The following GCH1 variants were observed in gnomAD, a reference collection of about 807,000 sequenced individuals.
The protein encoded by GCH1 is GTP cyclohydrolase 1.
In GCH1, 5 loss-of-function variants were observed where a neutral mutation model predicts 25.9. That is an observed-to-expected ratio of 0.19 (90% CI 0.10 to 0.41). The LOEUF (loss-of-function observed/expected upper bound fraction) is 0.41, where lower values mean the gene tolerates loss of function less well. Among genes scored for constraint, GCH1 ranks in the 10% least tolerant of loss-of-function variants. The pLI is 1.00. For synonymous variants in GCH1, 159 were observed against 129.6 expected (o/e 1.23, Z -1.54); for missense variants, 261 against 336.5 (o/e 0.78, Z 1.75).
chr14:54,861,306 G>C (rs189961793), intron 2 of GCH1, among the ~76,000 whole-genome samples: 105 of 152,272 alleles, frequency 6.9e-4, no homozygotes, highest in African/African-American at 2.4e-3. Flanking sequence ...AAATTAGAGA[G>C]TTAAAACTTT....
At chr14:54,848,859 A>G (rs1391880283) in intron 3 of GCH1, among the ~76,000 whole-genome samples, 4 of 152,226 alleles carry the variant, frequency 2.6e-5, no homozygotes, top group African/African-American at 9.6e-5. Context: ...GCTCCTAGAT[A>G]GGAGGTATGT....
In GCH1 at chr14:54,859,733, G is replaced by A; in HGVS notation, c.457C>T (p.His153Tyr). Residue 153 changes from histidine (H) to tyrosine (Y), a missense_variant, in exon 3 of 6, where the codon CAT (histidine) becomes TAT (tyrosine). His to Tyr is a moderately conservative substitution (Grantham distance 83). This residue lies in a region of GCH1 where 130 missense variants were observed against 184.1 expected (regional missense o/e 0.71). Coordinates refer to ENST00000491895, the MANE Select transcript of GCH1 (RefSeq NM_000161.3). ...TGCTTGTTAGGAAGATAACCAATAT[G>A]GACCTTCAGAGAAGAGACGGAAATC... ...HHLVPFVGKVHIGYLPNKQVL... is the reference protein window; with the variant it reads ...HHLVPFVGKVYIGYLPNKQVL... 7 of 1,579,758 alleles carry A rather than the reference G, an allele frequency of 4.4e-6. No homozygotes were observed. The highest frequency in any genetic ancestry group is 5.2e-6 in the Non-Finnish European group (6 of 1,148,626).
Position 54,849,377 on chromosome 14 carries a change from G to C in GCH1, c.510-2247C>G, listed in dbSNP as rs1258644815. Among the ~76,000 whole-genome samples the C allele has an allele frequency of 2.0e-5, 3 of 152,072 alleles. No homozygotes were observed. In the East Asian group the frequency reaches 5.8e-4, roughly 29 times the overall value. On this transcript the variant is annotated intron_variant, in intron 3 of 5. Transcript: ENST00000491895. ...CTTTATTTTGCTGTCATTCTGGAAA[G>C]ATAATTTGTTGAGAGGTATTTGCTG...
chr14:54,874,551 T>C (rs1488650518), intron 1 of GCH1, among the ~76,000 whole-genome samples: 3 of 152,210 alleles, frequency 2.0e-5, no homozygotes, highest in Non-Finnish European at 4.4e-5. Context: ...GGAAGTCAAA[T>C]GGTCCCTGTT....
intron 3 of GCH1, among the ~76,000 whole-genome samples, chr14:54,851,297 A>C (rs2039726816): frequency 6.6e-6 from 1 of 152,234 alleles, no homozygotes; most frequent in Admixed American, 6.5e-5. Flanking sequence ...AATACCATTC[A>C]GGACATAGGC....
Position 54,842,775 on chromosome 14 carries a change from A to C in GCH1, c.*1242T>G, listed in dbSNP as rs2039577680. On this transcript the variant is annotated 3_prime_UTR_variant, in exon 6 of 6. Coordinates refer to ENST00000491895, the MANE Select transcript of GCH1 (RefSeq NM_000161.3). ...GAGGAGTTGCGGTTTTGTTTGTTTT[A>C]ATTTGGCCCACGCTGCCCCAATGGA... 5.2e-6 allele frequency: 2 copies of C among 386,716 alleles called. No individual in the cohort carries two copies. The highest frequency in any genetic ancestry group is 7.5e-5 in the East Asian group (2 of 26,564). The allele number at this position is 386,716 out of a possible 1,614,324, so 24.0% of individuals were successfully genotyped here. A position where few individuals can be genotyped will look rare whatever the true frequency, so the allele number is the denominator to read the frequency against.
chr14:54,881,584 C>T (rs1378856589), intron 1 of GCH1, among the ~76,000 whole-genome samples: 2 of 152,116 alleles, frequency 1.3e-5, no homozygotes, highest in Non-Finnish European at 2.9e-5. Flanking sequence ...AGCATGAACC[C>T]AAACATTCCA....
intron 3 of GCH1, among the ~76,000 whole-genome samples, chr14:54,853,415 G>A (rs950211622): frequency 7.2e-5 from 11 of 152,004 alleles, no homozygotes; most frequent in South Asian, 2.1e-4. Flanking sequence ...GGTAAGTATC[G>A]TCCTTGATTT....
At chr14:54,850,305 CT>C (rs763310228) in intron 3 of GCH1, among the ~76,000 whole-genome samples, 9,606 of 117,020 alleles carry the variant, frequency 0.082, 454 homozygotes, top group Non-Finnish European at 0.12. Context: ...TAAGTAGGTT[CT>C]TTTTTTTTTT....
At chr14:54,888,710 A>C (rs2040386659) in intron 1 of GCH1, among the ~76,000 whole-genome samples, 1 of 146,940 alleles carries the variant, frequency 6.8e-6, no homozygotes, top group East Asian at 2.0e-4. Flanking sequence ...TTTTTAGTAG[A>C]GACAGGGTTT....
intron 3 of GCH1, among the ~76,000 whole-genome samples, chr14:54,853,460 G>A (rs1170267772): frequency 1.3e-5 from 2 of 152,148 alleles, no homozygotes; most frequent in African/African-American, 4.8e-5. Context: ...TCCAGACTGT[G>A]GCTTTAGTGC....
chr14:54,845,721 C>G, intron 5 of GCH1, 47 bp downstream of exon 5: 1 of 979,890 alleles, frequency 1.0e-6, no homozygotes, highest in Non-Finnish European at 1.7e-6. Flanking sequence ...AGCAAGATCA[C>G]TTCTAGTGCA....
intron 1 of GCH1, among the ~76,000 whole-genome samples, chr14:54,887,723 T>C (rs547736679): frequency 1.3e-5 from 2 of 152,290 alleles, no homozygotes; most frequent in East Asian, 3.9e-4. Context: ...TAGGGTGACA[T>C]TTCACCTCTA....
At chr14:54,896,792 C>T (rs1230112721) in intron 1 of GCH1, among the ~76,000 whole-genome samples, 3 of 150,894 alleles carry the variant, frequency 2.0e-5, no homozygotes, top group Non-Finnish European at 3.0e-5. Context: ...TGGTAGCGGG[C>T]GCCTGTAATC....
At chr14:54,897,982 C>G (rs1371573138) in intron 1 of GCH1, among the ~76,000 whole-genome samples, 2 of 152,174 alleles carry the variant, frequency 1.3e-5, no homozygotes, top group African/African-American at 4.8e-5. Context: ...TATTACACAC[C>G]TAGGCTACAC....
At chr14:54,898,206 C>A (rs534245374) in intron 1 of GCH1, among the ~76,000 whole-genome samples, 3 of 151,956 alleles carry the variant, frequency 2.0e-5, no homozygotes, top group Non-Finnish European at 4.4e-5. Flanking sequence ...ACAGTGAGAC[C>A]CTGCCTCTAT....
At chr14:54,861,887 T>A (rs934299880) in intron 2 of GCH1, among the ~76,000 whole-genome samples, 3 of 152,162 alleles carry the variant, frequency 2.0e-5, no homozygotes, top group African/African-American at 7.2e-5. Flanking sequence ...ACTCTCTCTA[T>A]CCTCTTGAAC....
chr14:54,860,524 A>C (rs112201394), intron 2 of GCH1, among the ~76,000 whole-genome samples: 1 of 147,342 alleles, frequency 6.8e-6, no homozygotes, highest in Non-Finnish European at 1.5e-5. Flanking sequence ...GCTGCTAGAG[A>C]GTGCACCATC....
intron 1 of GCH1, among the ~76,000 whole-genome samples, chr14:54,898,591 T>C (rs2040519034): frequency 6.6e-6 from 1 of 152,182 alleles, no homozygotes; most frequent in African/African-American, 2.4e-5. Context: ...CTATACCTTT[T>C]TCTATTTTTA....
Sources: gnomAD v4.1 joint callset for allele counts (sites outside exome capture counted in the v4.1 genomes callset) on GRCh38, gnomAD v4.1.1 for gene constraint, gnomAD v4.1.1 regional missense constraint, MANE v1.5 for transcripts, NCBI Gene and HGNC (gene_info 2026-07-23, HGNC 2026-07-21) for gene names.